CACNA2D3: variants seen among roughly 807,000 people sequenced by gnomAD.
CACNA2D3 encodes the protein calcium voltage-gated channel auxiliary subunit alpha2delta 3, also known as voltage-dependent calcium channel subunit alpha-2/delta-3.
Under a neutral mutation model 160.6 loss-of-function variants are expected in CACNA2D3, and 60 were observed. The observed-to-expected ratio is 0.37, with a 90% CI of 0.30 to 0.46. The LOEUF is 0.46. CACNA2D3 is among the 20% of genes least tolerant of loss of function. The pLI, the probability that CACNA2D3 is intolerant of heterozygous loss-of-function variation, is 1.00. For missense variants in CACNA2D3, 1,205 were observed against 1,365.0 expected, an observed-to-expected ratio of 0.88 and a Z score of 1.85; for synonymous variants, 558 against 492.9, an observed-to-expected ratio of 1.13 and a Z score of -1.75.
At chr3:54,801,066 AAC>A (rs1702973979) in intron 13 of CACNA2D3, among the ~76,000 whole-genome samples, 1 of 151,098 alleles carries the variant, frequency 6.6e-6, no homozygotes, top group African/African-American at 2.4e-5. Context: ...AGCTCACTGT[AAC>A]CTCTGCTTCC....
At chr3:54,659,439 A>G (rs596992) in intron 11 of CACNA2D3, among the ~76,000 whole-genome samples, 78,303 of 152,006 alleles carry the variant, frequency 0.52, 21,866 homozygotes, top group Admixed American at 0.68. Context: ...CTGAGTTGAG[A>G]GCAGGTTAAG....
chr3:54,259,712 A>G (rs1233952592), intron 2 of CACNA2D3, among the ~76,000 whole-genome samples: 3 of 152,222 alleles, frequency 2.0e-5, no homozygotes, highest in Non-Finnish European at 4.4e-5. Context: ...CATTGTAAAT[A>G]TATATCATAA....
intron 11 of CACNA2D3, among the ~76,000 whole-genome samples, chr3:54,689,370 G>C (rs913390713): frequency 6.6e-6 from 1 of 152,022 alleles, no homozygotes; most frequent in Non-Finnish European, 1.5e-5. Context: ...GGTGTGATCT[G>C]GTCCAGGCCC....
intron 2 of CACNA2D3, among the ~76,000 whole-genome samples, chr3:54,278,357 G>A (rs1702791300): frequency 6.6e-6 from 1 of 152,218 alleles, no homozygotes; most frequent in South Asian, 2.1e-4. Flanking sequence ...TGGAGAGGAT[G>A]TGGAGAAATA....
chr3:54,350,968 G>GGTTTTTTTTTTTTTTT (rs1698542647), intron 3 of CACNA2D3, among the ~76,000 whole-genome samples: 2 of 56,106 alleles, frequency 3.6e-5, no homozygotes, highest in Non-Finnish European at 7.0e-5. Flanking sequence ...TCTTGAGTCT[G>GGTTTTTTTTTTTTTTT]TTTTTTTTTT....
intron 37 of CACNA2D3, 63 bp from the exon 38 acceptor site, chr3:55,074,051 G>A (rs999028641): frequency 7.3e-7 from 1 of 1,375,418 alleles, no homozygotes; most frequent in African/African-American, 1.4e-5. Flanking sequence ...AGAGAGGTCT[G>A]GGGAAAGTTG....
chr3:54,525,108 G>A (rs1701705170), intron 5 of CACNA2D3, among the ~76,000 whole-genome samples: 1 of 152,002 alleles, frequency 6.6e-6, no homozygotes, highest in Non-Finnish European at 1.5e-5. Context: ...TGGCATATAT[G>A]TTTTAGTTCA....
chr3:54,593,167 A>G (rs772163706), intron 9 of CACNA2D3, among the ~76,000 whole-genome samples: 2 of 152,226 alleles, frequency 1.3e-5, no homozygotes, highest in Non-Finnish European at 2.9e-5. Flanking sequence ...TACATTAAAA[A>G]TAACTTACAT....
intron 4 of CACNA2D3, among the ~76,000 whole-genome samples, chr3:54,442,330 A>G (rs568999630): frequency 3.9e-5 from 6 of 152,192 alleles, no homozygotes; most frequent in Non-Finnish European, 7.4e-5. Flanking sequence ...AAAAGCATAC[A>G]TTTTATAAAG....
chr3:54,500,516 C>CCTAT (rs879412797), intron 4 of CACNA2D3, among the ~76,000 whole-genome samples: 5,525 of 101,406 alleles, frequency 0.054, 119 homozygotes, highest in Middle Eastern at 0.074. Flanking sequence ...TTCCTTCCTT[C>CCTAT]CTTCCTTCCT....
At chr3:55,050,836 C>T (rs1433048101) in intron 35 of CACNA2D3, among the ~76,000 whole-genome samples, 55 of 131,918 alleles carry the variant, frequency 4.2e-4, no homozygotes, top group Admixed American at 1.6e-3. Flanking sequence ...CTTCCCTTCT[C>T]GCTTCATTTC....
Position 54,186,230 on chromosome 3 carries a change from T to C in CACNA2D3, c.204+62636T>C, listed in dbSNP as rs1700876451. 1.3e-5 allele frequency among the ~76,000 whole-genome samples: 2 copies of C among 152,126 alleles called. 1 individual carries two copies. Among genetic ancestry groups the C allele is most frequent in the South Asian group, 4.1e-4 (2 of 4,824 alleles). ...ATGATGTTGCAATAACTTGATACAG[T>C]GTTGTGTTGTGTTTTGCTTGGATGA... is the stretch of plus-strand genomic sequence containing the variant. On this transcript the variant is annotated intron_variant, in intron 2 of 37. Transcript: ENST00000474759.
At chr3:54,687,734 T>C (rs934448241) in intron 11 of CACNA2D3, among the ~76,000 whole-genome samples, 4 of 152,234 alleles carry the variant, frequency 2.6e-5, no homozygotes, top group Non-Finnish European at 4.4e-5. Flanking sequence ...GCAACTTGGC[T>C]TTCTAAACCC....
chr3:54,714,647 A>T (rs1701017747), intron 11 of CACNA2D3, among the ~76,000 whole-genome samples: 1 of 152,178 alleles, frequency 6.6e-6, no homozygotes, highest in Non-Finnish European at 1.5e-5. Context: ...CAAAAATTTT[A>T]CAATCATAGA....
At chr3:54,769,496 G>A (rs1019526448) in intron 13 of CACNA2D3, among the ~76,000 whole-genome samples, 22 of 152,114 alleles carry the variant, frequency 1.4e-4, no homozygotes, top group Non-Finnish European at 1.2e-4. Flanking sequence ...GGTTTGAATT[G>A]CATGCCTACT....
chr3:54,432,063 C>A (rs1046933457), intron 4 of CACNA2D3, among the ~76,000 whole-genome samples: 2 of 152,090 alleles, frequency 1.3e-5, no homozygotes, highest in African/African-American at 4.8e-5. Context: ...CTATCTGTGG[C>A]TGTAATGGTG....
chr3:54,831,577 A>G (rs886123815), intron 14 of CACNA2D3, among the ~76,000 whole-genome samples: 3 of 152,224 alleles, frequency 2.0e-5, no homozygotes, highest in Non-Finnish European at 4.4e-5. Context: ...TCTAGTGACA[A>G]TAGTCTTTTA....
intron 4 of CACNA2D3, among the ~76,000 whole-genome samples, chr3:54,475,122 G>A (rs150192948): frequency 1.2e-3 from 186 of 152,292 alleles, no homozygotes; most frequent in Non-Finnish European, 2.1e-3. Flanking sequence ...CAACTTAGGC[G>A]ACAGAAATTA....
At chr3:54,206,105 C>T (rs1355389123) in intron 2 of CACNA2D3, among the ~76,000 whole-genome samples, 3 of 152,114 alleles carry the variant, frequency 2.0e-5, no homozygotes, top group Non-Finnish European at 4.4e-5. Context: ...AGAAAACGTT[C>T]GAAGATGGTG....
Sources: gnomAD v4.1 joint callset for allele counts (sites outside exome capture counted in the v4.1 genomes callset) on GRCh38, gnomAD v4.1.1 for gene constraint, MANE v1.5 for transcripts, NCBI Gene and HGNC (gene_info 2026-07-23, HGNC 2026-07-21) for gene names.